The following SCHIP1 variants were observed in gnomAD, a reference collection of about 807,000 sequenced individuals.
SCHIP1 encodes schwannomin-interacting protein 1.
Under a neutral mutation model 29.7 loss-of-function variants are expected in SCHIP1, and 8 were observed. The observed-to-expected ratio is 0.27, with a 90% CI of 0.16 to 0.49. The LOEUF (loss-of-function observed/expected upper bound fraction) is 0.49. SCHIP1 is among the 20% of genes least tolerant of loss of function. SCHIP1 has a pLI of 0.99. For missense variants in SCHIP1, 193 were observed against 294.6 expected, an observed-to-expected ratio of 0.66 and a Z score of 2.52; for synonymous variants, 76 against 94.9, an observed-to-expected ratio of 0.80 and a Z score of 1.16.
chr3:159,710,221 T>A, the SCHIP1 span, among the ~76,000 whole-genome samples: 5 of 152,174 alleles, frequency 3.3e-5, no homozygotes, highest in African/African-American at 9.7e-5. Context: ...GCTTTTTTTT[T>A]AATACGCTAG....
At chr3:159,806,211 AG>A in the SCHIP1 span, among the ~76,000 whole-genome samples, 1 of 86,352 alleles carries the variant, frequency 1.2e-5, no homozygotes, top group African/African-American at 3.8e-5. Flanking sequence ...ACATCTAAGC[AG>A]CTGCTTTTGT....
At chr3:159,273,876 C>G in the SCHIP1 span, 1 of 1,613,426 alleles carries the variant, frequency 6.2e-7, no homozygotes, top group Non-Finnish European at 8.5e-7. Context: ...GGCAAGCACT[C>G]TGACAGTGTA....
the SCHIP1 span, among the ~76,000 whole-genome samples, chr3:159,279,373 A>G: frequency 6.6e-6 from 1 of 152,202 alleles, no homozygotes; most frequent in Admixed American, 6.5e-5. Context: ...CTGTGAGTTC[A>G]TGAAACCTCT....
At chr3:159,692,013 CTTTTTTTTT>C in the SCHIP1 span, among the ~76,000 whole-genome samples, 2 of 90,942 alleles carry the variant, frequency 2.2e-5, no homozygotes, top group Non-Finnish European at 4.3e-5. Flanking sequence ...CCCGACCTTT[CTTTTTTTTT>C]TTTTTTTTTT....
the SCHIP1 span, among the ~76,000 whole-genome samples, chr3:159,506,565 G>C: frequency 2.0e-5 from 3 of 152,224 alleles, no homozygotes; most frequent in African/African-American, 7.2e-5. Context: ...AAATGGTATT[G>C]CCTAGGTTTT....
At chr3:159,492,466 G>C in the SCHIP1 span, among the ~76,000 whole-genome samples, 421 of 152,328 alleles carry the variant, frequency 2.8e-3, 1 homozygote, top group African/African-American at 9.9e-3. Flanking sequence ...ACAAGCCTCA[G>C]TAACTGAGGC....
At chr3:159,652,345 T>C in the SCHIP1 span, among the ~76,000 whole-genome samples, 1 of 152,162 alleles carries the variant, frequency 6.6e-6, no homozygotes. Context: ...ATATTTAATG[T>C]AGTGTTAGAC....
At chr3:159,378,982 T>C in the SCHIP1 span, among the ~76,000 whole-genome samples, 1 of 152,204 alleles carries the variant, frequency 6.6e-6, no homozygotes, top group African/African-American at 2.4e-5. Context: ...TCCCGGCCAG[T>C]GGACAATGGA....
the SCHIP1 span, among the ~76,000 whole-genome samples, chr3:159,520,096 T>TAAA: frequency 1.2e-5 from 1 of 82,886 alleles, no homozygotes; most frequent in Non-Finnish European, 2.5e-5. Context: ...CCTCATCAAA[T>TAAA]AAAAAAAAAA....
At chr3:159,586,970 G>A in the SCHIP1 span, among the ~76,000 whole-genome samples, 1 of 152,178 alleles carries the variant, frequency 6.6e-6, no homozygotes, top group African/African-American at 2.4e-5. Context: ...CGTGTCAGCA[G>A]AGAGAGGAAG....
chr3:159,595,734 T>G, the SCHIP1 span, among the ~76,000 whole-genome samples: 138 of 152,304 alleles, frequency 9.1e-4, 1 homozygote, highest in South Asian at 0.014. Flanking sequence ...TATTTATGAG[T>G]ACTTTTGTAG....
chr3:159,826,223 T>G, the SCHIP1 span, among the ~76,000 whole-genome samples: 1 of 152,160 alleles, frequency 6.6e-6, no homozygotes, highest in Non-Finnish European at 1.5e-5. Context: ...CTTTGGGAAC[T>G]AAATCAAGGA....
chr3:159,360,518 A>G, the SCHIP1 span, among the ~76,000 whole-genome samples: 1 of 152,124 alleles, frequency 6.6e-6, no homozygotes, highest in Non-Finnish European at 1.5e-5. Context: ...ATGTCATATA[A>G]AGGGAATTGT....
the SCHIP1 span, among the ~76,000 whole-genome samples, chr3:159,348,701 G>C: frequency 8.5e-5 from 13 of 152,162 alleles, no homozygotes; most frequent in Admixed American, 5.9e-4. Context: ...CTGAATATTT[G>C]CATAAATATT....
the SCHIP1 span, among the ~76,000 whole-genome samples, chr3:159,639,228 C>A: frequency 6.6e-6 from 1 of 152,202 alleles, no homozygotes; most frequent in East Asian, 1.9e-4. Context: ...TCTCAGCTCT[C>A]CAAAATCTCA....
the SCHIP1 span, among the ~76,000 whole-genome samples, chr3:159,484,530 A>G: frequency 4.7e-4 from 72 of 152,308 alleles, no homozygotes; most frequent in Non-Finnish European, 8.4e-4. Flanking sequence ...TCAAGTGAGT[A>G]TGTCATTATG....
chr3:159,277,819 G>A, the SCHIP1 span, among the ~76,000 whole-genome samples: 1 of 151,846 alleles, frequency 6.6e-6, no homozygotes, highest in Non-Finnish European at 1.5e-5. Context: ...ACAGACTGAA[G>A]CAGGCGAATC....
chr3:159,870,416 A>G (rs1715134455), intron 2 of SCHIP1, among the ~76,000 whole-genome samples: 2 of 152,002 alleles, frequency 1.3e-5, no homozygotes, highest in African/African-American at 4.8e-5. Flanking sequence ...CTTACAAAGA[A>G]TTTTTATCAT....
At chr3:159,455,603 C>T in the SCHIP1 span, among the ~76,000 whole-genome samples, 3 of 152,190 alleles carry the variant, frequency 2.0e-5, no homozygotes, top group Admixed American at 6.5e-5. Context: ...ACCTATTTCA[C>T]AGGTGGCACA....
Sources: gnomAD v4.1 joint callset for allele counts (sites outside exome capture counted in the v4.1 genomes callset) on GRCh38, gnomAD v4.1.1 for gene constraint, MANE v1.5 for transcripts, NCBI Gene and HGNC (gene_info 2026-07-23, HGNC 2026-07-21) for gene names.